KIF6: variants seen among roughly 807,000 people sequenced by gnomAD.
KIF6 encodes the protein kinesin family member 6.
KIF6 carries 106 observed loss-of-function variants against 112.7 expected under a neutral mutation model. The observed-to-expected ratio is 0.94, with a 90% CI of 0.80 to 1.11. The LOEUF (loss-of-function observed/expected upper bound fraction) is 1.11. KIF6 is among the 50% of genes least tolerant of loss of function. The probability of loss-of-function intolerance (pLI) is 0.00; values close to 1 mark genes in which losing one functional copy is unlikely to be tolerated. For missense variants in KIF6, 929 were observed against 964.0 expected (o/e 0.96, Z 0.48); for synonymous variants, 339 against 339.9 (o/e 1.00, Z 0.03).
intron 13 of KIF6, among the ~76,000 whole-genome samples, chr6:39,465,290 G>T (rs1773721375): frequency 6.6e-6 from 1 of 152,210 alleles, no homozygotes; most frequent in Admixed American, 6.5e-5. Flanking sequence ...TTTGGCAAAT[G>T]AAGACTTTTT....
intron 3 of KIF6, among the ~76,000 whole-genome samples, chr6:39,685,677 G>C: frequency 6.6e-6 from 1 of 152,188 alleles, no homozygotes; most frequent in East Asian, 1.9e-4. Flanking sequence ...GTGGATGATC[G>C]AGTTTAACCA....
chr6:39,374,104 G>T (rs903168290), intron 16 of KIF6, among the ~76,000 whole-genome samples: 1 of 152,120 alleles, frequency 6.6e-6, no homozygotes, highest in African/African-American at 2.4e-5. Flanking sequence ...TTTGACCAAG[G>T]TGCCAAGATC....
intron 13 of KIF6, among the ~76,000 whole-genome samples, chr6:39,524,122 CTG>C (rs146618011): frequency 4.1e-5 from 6 of 145,192 alleles, no homozygotes; most frequent in Admixed American, 7.0e-5. Flanking sequence ...TTGGGCAAGG[CTG>C]TGTGTGTGTG....
At chr6:39,543,653 C>A (rs558118868) in intron 12 of KIF6, among the ~76,000 whole-genome samples, 1 of 152,186 alleles carries the variant, frequency 6.6e-6, no homozygotes, top group East Asian at 1.9e-4. Flanking sequence ...TTATAAAGAA[C>A]TGACCGAAAG....
chr6:39,573,759 A>C (rs1780771153), intron 10 of KIF6, among the ~76,000 whole-genome samples: 1 of 152,202 alleles, frequency 6.6e-6, no homozygotes, highest in Admixed American at 6.5e-5. Context: ...ATATCTCTGC[A>C]TTCTCGTTGT....
rs1009692859 is a variant in KIF6 at position 39,378,604 on chromosome 6, T to A, written c.1861+7018A>T. Among the ~76,000 whole-genome samples the A allele has an allele frequency of 1.6e-4, 24 of 152,194 alleles. No individual in the cohort carries two copies. The highest frequency in any genetic ancestry group is 5.8e-4 in the African/African-American group (24 of 41,442). ...CAAGACTCAGCCCAGGCCTGTGGTC[T>A]TGGTGACAACCCCCCAGGGCCACTC... On this transcript the variant is annotated intron_variant, in intron 16 of 22. Coordinates refer to ENST00000287152, the MANE Select transcript of KIF6 (RefSeq NM_145027.6). The surrounding 1 kb of genome is among the most constrained non-coding windows in gnomAD (Gnocchi z 5.0).
intron 3 of KIF6, among the ~76,000 whole-genome samples, chr6:39,703,496 C>T (rs1789003659): frequency 6.6e-6 from 1 of 152,076 alleles, no homozygotes; most frequent in Admixed American, 6.6e-5. Flanking sequence ...TGAAACTGCT[C>T]TTATATTGGC....
rs539316694 is a variant in KIF6 at position 39,571,057 on chromosome 6, T to C, written c.1181+6999A>G. On this transcript the variant is annotated intron_variant, in intron 10 of 22. Coordinates refer to ENST00000287152, the MANE Select transcript of KIF6 (RefSeq NM_145027.6). ...ATCACTTTTAACCTTCCTCTGAAGT[T>C]CCAGAATTCAATCTGTGTATTTCTT... Among the ~76,000 whole-genome samples, 4 of 152,322 alleles carry C rather than the reference T, an allele frequency of 2.6e-5. No individual in the cohort carries two copies. The South Asian group carries it at 8.3e-4, about 32-fold the overall frequency.
At chr6:39,582,572 C>T (rs1241505506) in intron 9 of KIF6, among the ~76,000 whole-genome samples, 6 of 151,944 alleles carry the variant, frequency 3.9e-5, no homozygotes, top group Admixed American at 2.0e-4. Flanking sequence ...CCTCCACGCC[C>T]GGCTAATTTT....
chr6:39,339,908 A>C (rs1319149465), intron 22 of KIF6, among the ~76,000 whole-genome samples: 1 of 152,152 alleles, frequency 6.6e-6, no homozygotes, highest in African/African-American at 2.4e-5. Flanking sequence ...ACAGTCACAA[A>C]TTCCCCTTAA....
chr6:39,677,327 G>C (rs185978063), intron 3 of KIF6, among the ~76,000 whole-genome samples: 2 of 152,094 alleles, frequency 1.3e-5, no homozygotes, highest in East Asian at 3.9e-4. Context: ...AGAATTACAA[G>C]TAGAAATATA....
At chr6:39,516,452 T>C (rs1263300377) in intron 13 of KIF6, among the ~76,000 whole-genome samples, 2 of 148,078 alleles carry the variant, frequency 1.4e-5, no homozygotes, top group Admixed American at 1.4e-4. Context: ...TAATATATTA[T>C]TTATATTATA....
chr6:39,680,959 A>ATATG (rs1447451315), intron 3 of KIF6, among the ~76,000 whole-genome samples: 1 of 152,198 alleles, frequency 6.6e-6, no homozygotes, highest in East Asian at 1.9e-4. Context: ...TACAATTACA[A>ATATG]TATGATAAAG....
At chr6:39,701,517 G>C (rs920999367) in intron 3 of KIF6, among the ~76,000 whole-genome samples, 19 of 152,250 alleles carry the variant, frequency 1.2e-4, no homozygotes, top group Non-Finnish European at 2.1e-4. Flanking sequence ...CTGCTCCACA[G>C]ATCTCCCCTG....
At chr6:39,406,550 AG>A (rs1182872420) in intron 15 of KIF6, among the ~76,000 whole-genome samples, 1 of 152,096 alleles carries the variant, frequency 6.6e-6, no homozygotes, top group African/African-American at 2.4e-5. Context: ...ATGGAAGCTA[AG>A]CTTGTTGATT....
intron 19 of KIF6, among the ~76,000 whole-genome samples, chr6:39,354,613 G>A (rs1459658166): frequency 9.2e-5 from 14 of 152,172 alleles, no homozygotes; most frequent in Admixed American, 9.2e-4. Flanking sequence ...TCTGGAAGCT[G>A]AGAATGGTTA....
Position 39,567,837 on chromosome 6 carries a change from G to C in KIF6, c.1181+10219C>G, listed in dbSNP as rs926341726. On this transcript the variant is annotated intron_variant, in intron 10 of 22. Coordinates refer to ENST00000287152, the MANE Select transcript of KIF6 (RefSeq NM_145027.6). ...TTAGCCAGGATGGTCTCGATCTCCTGACCTCGTGATCCGCCCGCCTTGGCC... is the reference window on the plus strand; with the variant it reads ...TTAGCCAGGATGGTCTCGATCTCCTCACCTCGTGATCCGCCCGCCTTGGCC... 2.0e-5 allele frequency among the ~76,000 whole-genome samples: 3 copies of C among 152,234 alleles called. No individual in the cohort carries two copies. In the East Asian group the frequency reaches 5.8e-4, roughly 30 times the overall value.
At chr6:39,603,780 A>G (rs1262220888) in intron 6 of KIF6, among the ~76,000 whole-genome samples, 1 of 152,156 alleles carries the variant, frequency 6.6e-6, no homozygotes, top group Non-Finnish European at 1.5e-5. Flanking sequence ...GCAGCCTTCA[A>G]TGATTCAAAT....
chr6:39,434,744 G>A (rs1383368292), intron 13 of KIF6, among the ~76,000 whole-genome samples: 1 of 152,066 alleles, frequency 6.6e-6, no homozygotes. Context: ...GCAAGCAGGA[G>A]GGAGCAAGTG....
Sources: allele counts gnomAD v4.1 joint callset (sites outside exome capture counted in the v4.1 genomes callset), GRCh38; gene constraint gnomAD v4.1.1; non-coding constraint Gnocchi (gnomAD v3.1); transcripts MANE v1.5; gene names NCBI Gene and HGNC (gene_info 2026-07-23, HGNC 2026-07-21).